The following SAMD5 variants were observed in gnomAD, a reference collection of about 807,000 sequenced individuals.
SAMD5 encodes sterile alpha motif domain-containing protein 5.
In SAMD5, 13 loss-of-function variants were observed where a neutral mutation model predicts 11.3. The ratio of observed to expected loss-of-function variants is 1.15; its 90% CI spans 0.75 to 1.83. The LOEUF (loss-of-function observed/expected upper bound fraction) is 1.83. SAMD5 is among the 40% of genes most tolerant of loss of function. The pLI is 0.00. For missense variants in SAMD5, 255 were observed against 239.1 expected (o/e 1.07, Z -0.44); for synonymous variants, 129 against 111.3 (o/e 1.16, Z -1.00).
intron 1 of SAMD5, among the ~76,000 whole-genome samples, chr6:147,558,574 T>C (rs1788894261): frequency 6.6e-6 from 1 of 152,070 alleles, no homozygotes; most frequent in Non-Finnish European, 1.5e-5. Flanking sequence ...GTCACAGCTC[T>C]CTTGGTGGCT....
the SAMD5 span, among the ~76,000 whole-genome samples, chr6:147,832,467 A>G: frequency 2.0e-5 from 3 of 152,298 alleles, no homozygotes; most frequent in South Asian, 2.1e-4. Flanking sequence ...TATTCTACCA[A>G]TAAAACTGTC....
chr6:147,536,531 G>A (rs759857308), intron 1 of SAMD5, among the ~76,000 whole-genome samples: 68 of 149,460 alleles, frequency 4.5e-4, no homozygotes, highest in Admixed American at 4.5e-3. Flanking sequence ...AGTCCAAGAA[G>A]TTTTTTTTTT....
At chr6:147,823,539 A>G in the SAMD5 span, among the ~76,000 whole-genome samples, 2 of 152,244 alleles carry the variant, frequency 1.3e-5, no homozygotes, top group South Asian at 4.1e-4. Context: ...CTTTTAGAAG[A>G]TAATTACAGC....
chr6:147,646,278 A>G (rs1031491110), intron 1 of SAMD5, among the ~76,000 whole-genome samples: 2 of 152,168 alleles, frequency 1.3e-5, no homozygotes, highest in African/African-American at 4.8e-5. Flanking sequence ...GTGAGCCATG[A>G]TCATGCCACT....
At chr6:147,851,514 A>C in the SAMD5 span, among the ~76,000 whole-genome samples, 1 of 152,096 alleles carries the variant, frequency 6.6e-6, no homozygotes, top group Non-Finnish European at 1.5e-5. Flanking sequence ...AGAAAGCAAA[A>C]CTTCAAGGTG....
the SAMD5 span, among the ~76,000 whole-genome samples, chr6:147,815,285 C>T: frequency 3.3e-5 from 5 of 152,162 alleles, no homozygotes; most frequent in Admixed American, 6.5e-5. Context: ...GCCATTCATT[C>T]GACAAACATG....
the SAMD5 span, among the ~76,000 whole-genome samples, chr6:147,809,029 T>C: frequency 2.6e-5 from 4 of 152,188 alleles, no homozygotes; most frequent in Non-Finnish European, 5.9e-5. Flanking sequence ...GGATTTTGGA[T>C]TGCATGTATA....
intron 1 of SAMD5, among the ~76,000 whole-genome samples, chr6:147,649,237 G>A (rs1790447956): frequency 6.6e-6 from 1 of 152,122 alleles, no homozygotes; most frequent in Non-Finnish European, 1.5e-5. Context: ...TGTTTTTCAT[G>A]GAATGAGGGT....
intron 1 of SAMD5, among the ~76,000 whole-genome samples, chr6:147,646,014 GTATCTATCTATGTATCTATC>G (rs1209860457): frequency 0.047 from 2,587 of 55,502 alleles, 68 homozygotes; most frequent in African/African-American, 0.075. Flanking sequence ...GTCTGTCTAT[GTATCTATCTATGTATCTATC>G]TATCTATCTA....
intron 1 of SAMD5, among the ~76,000 whole-genome samples, chr6:147,539,274 C>CTGT (rs3031348): frequency 6.6e-6 from 1 of 151,612 alleles, no homozygotes; most frequent in Non-Finnish European, 1.5e-5. Context: ...TGTAATCAGC[C>CTGT]CCTTCACCGG....
At chr6:147,947,710 A>T in the SAMD5 span, among the ~76,000 whole-genome samples, 23 of 152,152 alleles carry the variant, frequency 1.5e-4, 1 homozygote, top group Admixed American at 1.3e-4. Context: ...GTTACAACAC[A>T]CTTTGTTCTT....
At chr6:147,556,121 C>T (rs2128443572) in intron 1 of SAMD5, among the ~76,000 whole-genome samples, 1 of 149,920 alleles carries the variant, frequency 6.7e-6, no homozygotes, top group East Asian at 2.0e-4. Context: ...GAGATGGAGT[C>T]TTGCTCTGTC....
intron 1 of SAMD5, among the ~76,000 whole-genome samples, chr6:147,579,453 A>G (rs888795183): frequency 1.6e-5 from 2 of 123,972 alleles, no homozygotes; most frequent in African/African-American, 6.4e-5. Flanking sequence ...GCAGGCTTTG[A>G]ATTTTTTTTT....
chr6:147,746,310 G>C, the SAMD5 span, among the ~76,000 whole-genome samples: 5 of 152,282 alleles, frequency 3.3e-5, no homozygotes, highest in Non-Finnish European at 5.9e-5. Flanking sequence ...CAGACTCCCT[G>C]AGGCCTTGGT....
At chr6:147,549,874 G>C (rs892342701) in intron 1 of SAMD5, among the ~76,000 whole-genome samples, 2 of 151,754 alleles carry the variant, frequency 1.3e-5, no homozygotes, top group African/African-American at 4.8e-5. Flanking sequence ...TAGACTGGAA[G>C]TTATTGTTAG....
At chr6:147,714,553 A>G (rs1791441084) in intron 1 of SAMD5, among the ~76,000 whole-genome samples, 1 of 152,220 alleles carries the variant, frequency 6.6e-6, no homozygotes, top group African/African-American at 2.4e-5. Context: ...TTCTAAACAT[A>G]TATTAGAGAC....
intron 1 of SAMD5, among the ~76,000 whole-genome samples, chr6:147,663,587 C>G: frequency 6.6e-6 from 1 of 151,234 alleles, no homozygotes; most frequent in East Asian, 1.9e-4. Flanking sequence ...GAGTTCAAGA[C>G]CAGCCTGGCC....
Position 147,686,367 on chromosome 6 carries a change from C to T in SAMD5, c.163-50950C>T, listed in dbSNP as rs988837068. ...TTTGCCAGTTCCAAGGTCACAAAGA[C>T]ATTCACTTCTATTATCTTCTAAATG... is the stretch of plus-strand genomic sequence containing the variant. On this transcript the variant is annotated intron_variant, in intron 1 of 1. Transcript: ENST00000566741. Among the ~76,000 whole-genome samples the T allele has an allele frequency of 2.6e-5, 4 of 152,260 alleles. 1 individual carries two copies. Among genetic ancestry groups the T allele is most frequent in the East Asian group, 1.9e-4 (1 of 5,182 alleles).
At chr6:147,638,513 T>G (rs1179990350) in intron 1 of SAMD5, among the ~76,000 whole-genome samples, 1 of 152,210 alleles carries the variant, frequency 6.6e-6, no homozygotes, top group Admixed American at 6.5e-5. Flanking sequence ...GAGTGACTGG[T>G]GTGTGATCGT....
Sources: gnomAD v4.1 joint callset for allele counts (sites outside exome capture counted in the v4.1 genomes callset) on GRCh38, gnomAD v4.1.1 for gene constraint, MANE v1.5 for transcripts, NCBI Gene and HGNC (gene_info 2026-07-23, HGNC 2026-07-21) for gene names.